Variants in INPP5A observed in about 807,000 individuals in gnomAD.
INPP5A encodes the protein inositol polyphosphate-5-phosphatase A.
INPP5A carries 14 observed loss-of-function variants against 65.2 expected under a neutral mutation model. The observed-to-expected ratio is 0.21, with a 90% confidence interval of 0.14 to 0.34. The LOEUF (loss-of-function observed/expected upper bound fraction) is 0.34, where lower values mean the gene tolerates loss of function less well. INPP5A is among the 10% of genes least tolerant of loss of function. The pLI is 1.00. For synonymous variants in INPP5A, 207 were observed against 208.3 expected, an observed-to-expected ratio of 0.99 and a Z score of 0.05; for missense variants, 431 against 545.6, an observed-to-expected ratio of 0.79 and a Z score of 2.09.
rs1166283839 is a variant in INPP5A, at chr10:132,753,372, A to G, written c.903+3527A>G. Among the ~76,000 whole-genome samples the G allele has an allele frequency of 6.6e-6, 1 of 152,156 alleles. No homozygotes were observed. The highest frequency in any genetic ancestry group is 2.4e-5 in the African/African-American group (1 of 41,434). ...ATGTGCCTGCGCCGGTCGCAGCCCC[A>G]AGTCCATTGCATCCTTCATCAACCG... On this transcript the variant is annotated intron_variant, in intron 11 of 15. Transcript: ENST00000368594. The surrounding 1 kb of genome is among the most constrained non-coding windows in gnomAD (Gnocchi z 5.3).
intron 2 of INPP5A, among the ~76,000 whole-genome samples, chr10:132,641,465 T>C (rs2072426650): frequency 6.6e-6 from 1 of 152,222 alleles, no homozygotes; most frequent in African/African-American, 2.4e-5. Context: ...CTAACCAGGA[T>C]GTCTTCCTTC....
At chr10:132,608,000 CA>C in intron 2 of INPP5A, 44 bp downstream of exon 2, 1 of 1,573,462 alleles carries the variant, frequency 6.4e-7, no homozygotes. Context: ...ATTACTTAGC[CA>C]ATAAGGTGCC....
At chr10:132,765,206 G>A (rs981300813) in intron 11 of INPP5A, among the ~76,000 whole-genome samples, 1 of 152,210 alleles carries the variant, frequency 6.6e-6, no homozygotes, top group African/African-American at 2.4e-5. Flanking sequence ...GGTGTGGGAG[G>A]TGATGCCCGC....
intron 1 of INPP5A, among the ~76,000 whole-genome samples, chr10:132,572,645 A>C (rs1055479855): frequency 2.0e-5 from 3 of 152,046 alleles, no homozygotes; most frequent in African/African-American, 7.3e-5. Context: ...GCTGGTTCTC[A>C]TGCTCTAGTC....
At chr10:132,576,571 G>T (rs2071414095) in intron 1 of INPP5A, among the ~76,000 whole-genome samples, 1 of 152,204 alleles carries the variant, frequency 6.6e-6, no homozygotes, top group African/African-American at 2.4e-5. Flanking sequence ...CCTCTCTGGG[G>T]CCTAAACTGC....
rs1276925239 is a variant in INPP5A, at chr10:132,762,955, C to T, written c.904-2818C>T. ...AGTGAGCCGAGATCACATCACTGCA[C>T]TCCAGCCTGGGTGACAGAGGGAGAC... On this transcript the variant is annotated intron_variant, in intron 11 of 15. Transcript: ENST00000368594. This position sits in a 1 kb window ranked among gnomAD's most constrained non-coding sequence, Gnocchi z 4.6. Among the ~76,000 whole-genome samples, 1 of 152,184 alleles carries T rather than the reference C, an allele frequency of 6.6e-6. No homozygotes were observed. Among genetic ancestry groups the T allele is most frequent in the Non-Finnish European group, 1.5e-5 (1 of 68,034 alleles).
chr10:132,588,799 C>T (rs1380697460), intron 1 of INPP5A, among the ~76,000 whole-genome samples: 3 of 151,862 alleles, frequency 2.0e-5, no homozygotes, highest in African/African-American at 7.3e-5. Flanking sequence ...GTTGTGGTCC[C>T]GCTTTCTGGT....
chr10:132,724,959 G>A (rs1417343779), intron 8 of INPP5A, among the ~76,000 whole-genome samples: 2 of 148,878 alleles, frequency 1.3e-5, no homozygotes, highest in Non-Finnish European at 3.0e-5. Flanking sequence ...GAGACCCCAG[G>A]ACGACAGGAG....
intron 4 of INPP5A, among the ~76,000 whole-genome samples, chr10:132,686,931 C>G (rs1307955307): frequency 2.0e-5 from 3 of 152,216 alleles, no homozygotes; most frequent in African/African-American, 7.2e-5. Flanking sequence ...AGGATGAACA[C>G]TGGCTTTTTA....
chr10:132,629,749 C>T (rs764555819), intron 2 of INPP5A, among the ~76,000 whole-genome samples: 4 of 152,158 alleles, frequency 2.6e-5, no homozygotes, highest in African/African-American at 4.8e-5. Context: ...CCACGATGGC[C>T]AGGTGGCCTC....
At chr10:132,593,175 G>A (rs2098519700) in intron 1 of INPP5A, among the ~76,000 whole-genome samples, 1 of 152,174 alleles carries the variant, frequency 6.6e-6, no homozygotes, top group East Asian at 1.9e-4. Context: ...AAGATCAGCT[G>A]GAGATGGAGC....
At chr10:132,781,578 C>G (rs1444725913) in intron 14 of INPP5A, among the ~76,000 whole-genome samples, 2 of 152,240 alleles carry the variant, frequency 1.3e-5, no homozygotes, top group East Asian at 3.8e-4. Context: ...CATTCTTTTA[C>G]ATCAGTTTTT....
chr10:132,741,319 G>A lies in INPP5A; in HGVS notation c.733-8198G>A, dbSNP rs372363613. ...CATGAGATGGGCTGGCCAGATCTCC[G>A]CAGCCTAACAGTGGGCAGCTCCGTG... On this transcript the variant is annotated intron_variant, in intron 9 of 15. Coordinates refer to ENST00000368594, the MANE Select transcript of INPP5A (RefSeq NM_005539.5). The surrounding 1 kb of genome is among the most constrained non-coding windows in gnomAD (Gnocchi z 4.4). Among the ~76,000 whole-genome samples, 1 of 152,182 alleles carries A rather than the reference G, an allele frequency of 6.6e-6. No homozygotes were observed. Among genetic ancestry groups the A allele is most frequent in the Admixed American group, 6.5e-5 (1 of 15,288 alleles).
At position 132,637,019 on chromosome 10, in the gene INPP5A, G is replaced by A. The variant is rs2072361559; in HGVS notation, c.118-8849G>A. On this transcript the variant is annotated intron_variant, in intron 2 of 15. Coordinates refer to ENST00000368594, the MANE Select transcript of INPP5A (RefSeq NM_005539.5). The surrounding 1 kb of genome is among the most constrained non-coding windows in gnomAD (Gnocchi z 4.1). ...TGAAACTTCCGCCTCCCGGGTTCAA[G>A]CGATTCTCCTGCCTCAGCCTCCCAA... 6.6e-6 allele frequency among the ~76,000 whole-genome samples: 1 copy of A among 152,174 alleles called. No homozygotes were observed. The highest frequency in any genetic ancestry group is 2.1e-4 in the South Asian group (1 of 4,820).
At chr10:132,589,804 G>A (rs928704157) in intron 1 of INPP5A, among the ~76,000 whole-genome samples, 3 of 152,328 alleles carry the variant, frequency 2.0e-5, no homozygotes, top group East Asian at 3.9e-4. Flanking sequence ...TTCCACTCTC[G>A]CCCTGTGCAG....
chr10:132,665,168 A>G (rs1178693132), intron 4 of INPP5A, among the ~76,000 whole-genome samples: 1 of 152,176 alleles, frequency 6.6e-6, no homozygotes, highest in Non-Finnish European at 1.5e-5. Context: ...GCCTTTGCAG[A>G]CACACCTGTG....
In INPP5A at chr10:132,547,001, G is replaced by A. The variant is rs931758631; in HGVS notation, c.75+8830G>A. 2.6e-5 allele frequency among the ~76,000 whole-genome samples: 4 copies of A among 152,306 alleles called. No homozygotes were observed. Among genetic ancestry groups the A allele is most frequent in the South Asian group, 4.1e-4 (2 of 4,826 alleles). The stretch of plus-strand genomic sequence containing the variant: ...CTGCGTCCTCCCCTCTCGGGGTCCC[G>A]CATGACTGGTCCTCATTCCAGGAAC... On this transcript the variant is annotated intron_variant, in intron 1 of 15. Coordinates refer to ENST00000368594, the MANE Select transcript of INPP5A (RefSeq NM_005539.5). The surrounding 1 kb of genome is among the most constrained non-coding windows in gnomAD (Gnocchi z 5.5).
Position 132,541,855 on chromosome 10 carries a change from G to A in INPP5A, c.75+3684G>A, listed in dbSNP as rs117887015. On this transcript the variant is annotated intron_variant, in intron 1 of 15. Transcript: ENST00000368594. ...TCTGGCCAGGTGGCTGGGGTGCCTG[G>A]GACTTTCCCAGGCTTATGCAGACTG... Among the ~76,000 whole-genome samples, 352 of 152,366 alleles carry A rather than the reference G, an allele frequency of 2.3e-3. 3 individuals carry two copies. In the East Asian group the frequency reaches 0.044, roughly 19 times the overall value.
intron 8 of INPP5A, among the ~76,000 whole-genome samples, chr10:132,715,774 C>G (rs1845728634): frequency 6.6e-6 from 1 of 152,254 alleles, no homozygotes; most frequent in Non-Finnish European, 1.5e-5. Flanking sequence ...TCCCGCTGGC[C>G]TCGGAGAACA....
Sources: allele counts gnomAD v4.1 joint callset (sites outside exome capture counted in the v4.1 genomes callset), GRCh38; gene constraint gnomAD v4.1.1; non-coding constraint Gnocchi (gnomAD v3.1); transcripts MANE v1.5; gene names NCBI Gene and HGNC (gene_info 2026-07-23, HGNC 2026-07-21).